The following IL5 variants were observed in gnomAD, a reference collection of about 807,000 sequenced individuals.
The protein encoded by IL5 is interleukin-5.
IL5 carries 12 observed loss-of-function variants against 16.3 expected under a neutral mutation model. The observed-to-expected ratio is 0.74, with a 90% confidence interval of 0.47 to 1.20. The LOEUF (loss-of-function observed/expected upper bound fraction) is 1.20. Among genes scored for constraint, IL5 ranks in the 50% most tolerant of loss-of-function variants. The pLI is 0.00. For missense variants in IL5, 159 were observed against 153.9 expected, an observed-to-expected ratio of 1.03 and a Z score of -0.17; for synonymous variants, 54 against 56.6, an observed-to-expected ratio of 0.95 and a Z score of 0.21.
chr5:132,553,938 T>TAAA (rs57467548), intron 1 of IL5, among the ~76,000 whole-genome samples: 6 of 87,304 alleles, frequency 6.9e-5, no homozygotes, highest in South Asian at 8.6e-4. Flanking sequence ...GACTCCGTCT[T>TAAA]AAAAAAAAAA....
intron 1 of IL5, among the ~76,000 whole-genome samples, chr5:132,551,264 TAA>T (rs1335560787): frequency 1.3e-5 from 2 of 152,234 alleles, no homozygotes; most frequent in African/African-American, 4.8e-5. Flanking sequence ...GCAAATACTA[TAA>T]AATTGCATTA....
chr5:132,554,900 C>T (rs896422673), intron 1 of IL5, among the ~76,000 whole-genome samples: 4 of 152,202 alleles, frequency 2.6e-5, no homozygotes, highest in Non-Finnish European at 4.4e-5. Flanking sequence ...TGGTCCCCAA[C>T]CTTTTTGGCA....
chr5:132,541,927 T>A lies in IL5; in HGVS notation c.307-18A>T, dbSNP rs200388617. On this transcript the variant is annotated intron_variant, in intron 3 of 3. Coordinates refer to ENST00000231454, the MANE Select transcript of IL5 (RefSeq NM_000879.3). ...CACTTTTTCTGTGAAAAAAGAAAAA[T>A]GACAATAGGTATTACAGGAAACTGT... 4 of 1,610,812 alleles carry A rather than the reference T, an allele frequency of 2.5e-6. No individual in the cohort carries two copies. Among genetic ancestry groups the A allele is most frequent in the Non-Finnish European group, 3.4e-6 (4 of 1,177,416 alleles).
intron 1 of IL5, among the ~76,000 whole-genome samples, chr5:132,549,283 T>C (rs1317599603): frequency 2.0e-5 from 3 of 152,190 alleles, no homozygotes; most frequent in Non-Finnish European, 2.9e-5. Flanking sequence ...CTCAAACTCC[T>C]GACCTCGTGA....
At chr5:132,555,661 G>A (rs945423026) in intron 1 of IL5, among the ~76,000 whole-genome samples, 1 of 152,086 alleles carries the variant, frequency 6.6e-6, no homozygotes, top group African/African-American at 2.4e-5. Flanking sequence ...GACCATCGGC[G>A]CCTGCCACCA....
intron 1 of IL5, among the ~76,000 whole-genome samples, chr5:132,550,598 A>C (rs971356369): frequency 6.8e-6 from 1 of 148,072 alleles, no homozygotes; most frequent in African/African-American, 2.5e-5. Flanking sequence ...CTGGGATTAC[A>C]GGTGTGAGCC....
upstream of IL5, among the ~76,000 whole-genome samples, chr5:132,546,117 T>C (rs1749782653): frequency 6.6e-6 from 1 of 152,210 alleles, no homozygotes; most frequent in Non-Finnish European, 1.5e-5. Flanking sequence ...AAATACTTCT[T>C]ATTCAAAATT....
At chr5:132,542,175 A>G in intron 2 of IL5, 32 bp from the exon 3 acceptor site, 2 of 1,592,064 alleles carry the variant, frequency 1.3e-6, no homozygotes, top group Non-Finnish European at 1.7e-6. Context: ...AATGCAAATA[A>G]TCAAGACAAG....
chr5:132,551,671 G>A (rs747247924), intron 1 of IL5, among the ~76,000 whole-genome samples: 1 of 152,308 alleles, frequency 6.6e-6, no homozygotes, highest in African/African-American at 2.4e-5. Flanking sequence ...AACTGGAATA[G>A]TTGGGCAAAT....
intron 2 of IL5, among the ~76,000 whole-genome samples, chr5:132,542,348 A>C (rs1208552011): frequency 6.6e-6 from 1 of 152,194 alleles, no homozygotes; most frequent in Middle Eastern, 3.2e-3. Flanking sequence ...TATTTACATG[A>C]GTTCCCTTCT....
At chr5:132,543,244 A>G in intron 1 of IL5, 91 bp downstream of exon 1, 1 of 1,411,512 alleles carries the variant, frequency 7.1e-7, no homozygotes, top group Non-Finnish European at 9.9e-7. Flanking sequence ...GAATCTTATT[A>G]TTTATAACAG....
chr5:132,550,379 A>G (rs1580969027), intron 1 of IL5, among the ~76,000 whole-genome samples: 1 of 148,958 alleles, frequency 6.7e-6, no homozygotes, highest in Admixed American at 6.8e-5. Context: ...GCTGGAGTGC[A>G]GTGGCACAAT....
intron 1 of IL5, among the ~76,000 whole-genome samples, chr5:132,554,004 A>G (rs1223077737): frequency 6.6e-6 from 1 of 151,466 alleles, no homozygotes; most frequent in African/African-American, 2.4e-5. Context: ...TTGCCAAAAC[A>G]CATGGAATTG....
At chr5:132,550,324 T>C (rs1749863137) in intron 1 of IL5, among the ~76,000 whole-genome samples, 1 of 149,156 alleles carries the variant, frequency 6.7e-6, no homozygotes, top group South Asian at 2.1e-4. Flanking sequence ...AAAAAAGAAA[T>C]CTTTTTTTTT....
rs147742395 is a variant in IL5, at chr5:132,549,822, ATC to A, written c.43-6698_43-6697del. On this transcript the variant is annotated intron_variant, in intron 1 of 2. Coordinates refer to the IL5 transcript ENST00000450655. ...TGATGACTAAATGTAAATTGATAAC[ATC>A]TCTTTTTCTTCTTGACTCTATTCGA... Among the ~76,000 whole-genome samples, 930 of 152,266 alleles carry A rather than the reference ATC, an allele frequency of 6.1e-3. 8 individuals carry two copies. The highest frequency in any genetic ancestry group is 0.022 in the African/African-American group (898 of 41,550).
chr5:132,554,635 A>C (rs1386802800), intron 1 of IL5, among the ~76,000 whole-genome samples: 2 of 152,200 alleles, frequency 1.3e-5, no homozygotes, highest in Non-Finnish European at 2.9e-5. Context: ...ACAGTATGGC[A>C]GTTCCTCAAA....
At chr5:132,553,738 C>A (rs111693959) in intron 1 of IL5, among the ~76,000 whole-genome samples, 1 of 151,538 alleles carries the variant, frequency 6.6e-6, no homozygotes, top group Non-Finnish European at 1.5e-5. Context: ...GGATAGAGAC[C>A]ATCCTGGCTA....
intron 1 of IL5, among the ~76,000 whole-genome samples, chr5:132,554,315 C>T (rs1749935885): frequency 7.2e-6 from 1 of 138,704 alleles, no homozygotes; most frequent in Non-Finnish European, 1.5e-5. Context: ...TGCAGTGAGC[C>T]AAGATCGCAC....
At chr5:132,545,384 G>A (rs1307283343), upstream of IL5, among the ~76,000 whole-genome samples, 1 of 152,166 alleles carries the variant, frequency 6.6e-6, no homozygotes. Context: ...TGGGCAAGGT[G>A]GCTCATGCTT....
Sources: allele counts gnomAD v4.1 joint callset (sites outside exome capture counted in the v4.1 genomes callset), GRCh38; gene constraint gnomAD v4.1.1; transcripts MANE v1.5; gene names NCBI Gene and HGNC (gene_info 2026-07-23, HGNC 2026-07-21).